Variants in DSTN observed in about 807,000 individuals in gnomAD.
DSTN encodes the protein destrin.
In DSTN, 10 loss-of-function variants were observed where a neutral mutation model predicts 16.8. The ratio of observed to expected loss-of-function variants is 0.60; its 90% CI spans 0.37 to 1.01. The LOEUF is 1.01. Among genes scored for constraint, DSTN ranks in the 50% least tolerant of loss-of-function variants. The pLI, the probability that DSTN is intolerant of heterozygous loss-of-function variation, is 0.01. For missense variants in DSTN, 141 were observed against 196.7 expected, an observed-to-expected ratio of 0.72 and a Z score of 1.69; for synonymous variants, 57 against 58.9, an observed-to-expected ratio of 0.97 and a Z score of 0.14.
chr20:17,591,341 G>GT (rs11478262), intron 1 of DSTN, among the ~76,000 whole-genome samples: 3,421 of 144,262 alleles, frequency 0.024, 107 homozygotes, highest in African/African-American at 0.08. Context: ...GTATAATTGG[G>GT]TTTTTTTTTT....
chr20:17,580,535 T>G (rs1394315089), intron 1 of DSTN, among the ~76,000 whole-genome samples: 1 of 152,044 alleles, frequency 6.6e-6, no homozygotes, highest in Non-Finnish European at 1.5e-5. Context: ...TCACCTGAGG[T>G]CAGGAGTTTG....
chr20:17,606,716 C>T (rs760976310), intron 3 of DSTN, among the ~76,000 whole-genome samples: 6 of 152,176 alleles, frequency 3.9e-5, no homozygotes, highest in Admixed American at 6.5e-5. Context: ...TTCTGCCTGC[C>T]CCTTCCTCCT....
chr20:17,607,925 A>G lies in DSTN; in HGVS notation c.*779A>G, dbSNP rs574076545. ...TGATAAAACAGAATATTGACAAGCT[A>G]GGACACCTGTGGTATCTTTAATTGT... On this transcript the variant is annotated 3_prime_UTR_variant, in exon 4 of 4. Transcript: ENST00000246069. 1.3e-5 allele frequency: 2 copies of G among 152,358 alleles called. No individual in the cohort carries two copies. Among genetic ancestry groups the G allele is most frequent in the East Asian group, 1.9e-4 (1 of 5,188 alleles). The allele number at this position is 152,358 out of a possible 1,614,324, so 9.4% of individuals were successfully genotyped here.
At chr20:17,605,330 T>C (rs1048626822) in intron 3 of DSTN, 1 of 349,294 alleles carries the variant, frequency 2.9e-6, no homozygotes, top group African/African-American at 2.1e-5. Flanking sequence ...TGGGCCTTGA[T>C]TCTCTCAGCT....
intron 1 of DSTN, among the ~76,000 whole-genome samples, chr20:17,584,058 G>A (rs2035380194): frequency 6.6e-6 from 1 of 152,038 alleles, no homozygotes. Context: ...TTTTTGTGGT[G>A]TTCAAAATGG....
In DSTN at chr20:17,574,725, C is replaced by CAAAA. The variant is rs775060379; in HGVS notation, c.3+4533_3+4536dup. On this transcript the variant is annotated intron_variant, in intron 1 of 3. Transcript: ENST00000246069. The stretch of plus-strand genomic sequence containing the variant: ...TGGGTGACAGAGCGAGACTCAGTCT[C>CAAAA]AAAAAAAAAAAAAAAAAAAAAATTA... Among the ~76,000 whole-genome samples, 509 of 52,850 alleles carry CAAAA rather than the reference C, an allele frequency of 9.6e-3. 17 individuals are homozygous for CAAAA. Among genetic ancestry groups the CAAAA allele is most frequent in the African/African-American group, 0.029 (465 of 16,156 alleles). 34.7% of individuals were successfully genotyped at this position (52,850 alleles called of 152,430 possible).
At chr20:17,604,669 G>T in intron 3 of DSTN, 38 bp downstream of exon 3, 2 of 1,577,564 alleles carry the variant, frequency 1.3e-6, no homozygotes, top group Non-Finnish European at 1.7e-6. Context: ...TAGAGGTATG[G>T]TGAACACTCA....
chr20:17,606,988 G>C, intron 3 of DSTN, 49 bp from the exon 4 acceptor site: 1 of 1,590,092 alleles, frequency 6.3e-7, no homozygotes, highest in Non-Finnish European at 8.6e-7. Flanking sequence ...AGAGAAAGAG[G>C]TAAACTGCTG....
intron 1 of DSTN, among the ~76,000 whole-genome samples, chr20:17,592,837 C>T (rs1345068673): frequency 6.6e-6 from 1 of 152,174 alleles, no homozygotes; most frequent in Non-Finnish European, 1.5e-5. Flanking sequence ...TATGCAGTTC[C>T]CATCACTTCC....
chr20:17,587,202 TAA>T (rs11477352), intron 1 of DSTN, among the ~76,000 whole-genome samples: 28,789 of 137,000 alleles, frequency 0.21, 3,226 homozygotes, highest in East Asian at 0.56. Flanking sequence ...TCTCAAGGAA[TAA>T]AAAAAAAAAA....
intron 1 of DSTN, among the ~76,000 whole-genome samples, chr20:17,584,591 G>A (rs6044893): frequency 1.3e-5 from 2 of 151,254 alleles, no homozygotes; most frequent in African/African-American, 4.9e-5. Flanking sequence ...GGCGGAAGTT[G>A]CAGTGAGCCG....
intron 3 of DSTN, among the ~76,000 whole-genome samples, chr20:17,606,277 C>T (rs559398374): frequency 9.8e-5 from 15 of 152,302 alleles, no homozygotes; most frequent in African/African-American, 3.6e-4. Context: ...ATTTAAAAGA[C>T]AGTGGCCATT....
At chr20:17,602,301 C>T (rs910358269) in intron 2 of DSTN, among the ~76,000 whole-genome samples, 5 of 152,272 alleles carry the variant, frequency 3.3e-5, no homozygotes, top group Admixed American at 2.0e-4. Flanking sequence ...TTCTACTACA[C>T]GCCAGCTATT....
Position 17,596,845 on chromosome 20 carries a change from A to C in DSTN, c.4-3893A>C, listed in dbSNP as rs73898345. ...TATCTGTTTTATAATTGCAGAATGCACATTTACTTTGTTTTTGATTACTAG... is the reference window on the plus strand; with the variant it reads ...TATCTGTTTTATAATTGCAGAATGCCCATTTACTTTGTTTTTGATTACTAG... On this transcript the variant is annotated intron_variant, in intron 1 of 3. Transcript: ENST00000246069. The C allele has an allele frequency of 7.0e-3, 6,866 of 979,976 alleles. 303 individuals are homozygous for C. The African/African-American group carries it at 0.1, about 15-fold the overall frequency. The allele number at this position is 979,976 out of a possible 1,614,324, so 60.7% of individuals were successfully genotyped here. A position where few individuals can be genotyped will look rare whatever the true frequency, so the allele number is the denominator to read the frequency against.
rs1034741163 is a variant in DSTN at position 17,608,573 on chromosome 20, G to T, written c.*1427G>T. 6.7e-6 allele frequency: 1 copy of T among 150,258 alleles called. No individual in the cohort carries two copies. The highest frequency in any genetic ancestry group is 1.5e-5 in the Non-Finnish European group (1 of 67,842). The allele number at this position is 150,258 out of a possible 1,614,324, so 9.3% of individuals were successfully genotyped here. On this transcript the variant is annotated 3_prime_UTR_variant, in exon 4 of 4. Coordinates refer to ENST00000246069, the MANE Select transcript of DSTN (RefSeq NM_006870.4). ...TGAGCCCAGGAGGTGAGCTGAGATC[G>T]TGCCACTGTACTCCAGCCTGGATGA...
At chr20:17,573,262 G>C (rs2035228433) in intron 1 of DSTN, among the ~76,000 whole-genome samples, 1 of 151,888 alleles carries the variant, frequency 6.6e-6, no homozygotes, top group African/African-American at 2.4e-5. Context: ...CGTAAATACT[G>C]TGCTTCATGT....
chr20:17,596,762 T>C (rs1164012113), intron 1 of DSTN: 1 of 985,040 alleles, frequency 1.0e-6, no homozygotes, highest in Non-Finnish European at 1.2e-6. Flanking sequence ...AAGACAAAAT[T>C]CTTCCTTACT....
At chr20:17,603,954 T>G (rs1237878582) in intron 2 of DSTN, among the ~76,000 whole-genome samples, 2 of 152,236 alleles carry the variant, frequency 1.3e-5, no homozygotes, top group Admixed American at 1.3e-4. Context: ...ATGAAGGGAC[T>G]GGGGAAGTCT....
At chr20:17,593,696 A>G (rs1164083425) in intron 1 of DSTN, among the ~76,000 whole-genome samples, 1 of 152,236 alleles carries the variant, frequency 6.6e-6, no homozygotes. Flanking sequence ...GAGTATGGCA[A>G]GTACAAATGA....
Sources: allele counts gnomAD v4.1 joint callset (sites outside exome capture counted in the v4.1 genomes callset), GRCh38; gene constraint gnomAD v4.1.1; transcripts MANE v1.5; gene names NCBI Gene and HGNC (gene_info 2026-07-23, HGNC 2026-07-21).